Variants in STON1 observed in about 807,000 individuals in gnomAD.
STON1 encodes stonin 1, also known as stonin-1.
In STON1, 79 loss-of-function variants were observed where a neutral mutation model predicts 60.9. That is an observed-to-expected ratio of 1.30 (90% CI 1.08 to 1.56). STON1 has a LOEUF of 1.56. STON1 is among the 40% of genes most tolerant of loss of function. The pLI is 0.00. For synonymous variants in STON1, 363 were observed against 306.9 expected, an observed-to-expected ratio of 1.18 and a Z score of -1.91; for missense variants, 1,166 against 858.9, an observed-to-expected ratio of 1.36 and a Z score of -4.47.
chr2:48,558,923 C>T (rs1336973861), intron 1 of STON1, among the ~76,000 whole-genome samples: 1 of 152,182 alleles, frequency 6.6e-6, no homozygotes, highest in African/African-American at 2.4e-5. Flanking sequence ...GGTTGAGTGT[C>T]CCTAATCCAA....
intron 1 of STON1, among the ~76,000 whole-genome samples, chr2:48,545,021 C>T (rs965330248): frequency 1.3e-5 from 2 of 152,142 alleles, no homozygotes; most frequent in East Asian, 1.9e-4. Context: ...GTGAAACTCC[C>T]GGTGACTCTT....
rs1042960215 is a variant in STON1, at chr2:48,597,270, A to G, written c.*1968A>G. ...TGTATGTCATTAAAAAAATTCTACC[A>G]TCTTTCTTTATCATCTGGTGTGGGC... On this transcript the variant is annotated 3_prime_UTR_variant, in exon 4 of 4. Transcript: ENST00000404752. The G allele has an allele frequency of 3.3e-5, 5 of 152,052 alleles. No homozygotes were observed. Among genetic ancestry groups the G allele is most frequent in the African/African-American group, 1.2e-4 (5 of 41,382 alleles). The allele number at this position is 152,052 out of a possible 1,614,324, so 9.4% of individuals were successfully genotyped here.
chr2:48,558,704 G>T (rs1294158980), intron 1 of STON1, among the ~76,000 whole-genome samples: 1 of 152,170 alleles, frequency 6.6e-6, no homozygotes, highest in Non-Finnish European at 1.5e-5. Flanking sequence ...CAAAGGGCTT[G>T]TTTGCTGCCC....
At chr2:48,572,327 C>G (rs1673254153) in intron 1 of STON1, among the ~76,000 whole-genome samples, 1 of 152,130 alleles carries the variant, frequency 6.6e-6, no homozygotes, top group African/African-American at 2.4e-5. Flanking sequence ...TCCTATTGGG[C>G]ACCATATGAA....
chr2:48,553,680 G>A (rs961162156), intron 1 of STON1, among the ~76,000 whole-genome samples: 1 of 152,206 alleles, frequency 6.6e-6, no homozygotes, highest in African/African-American at 2.4e-5. Flanking sequence ...TAGAGACACA[G>A]TTTTATCATG....
At chr2:48,536,860 A>G (rs1055936224) in intron 1 of STON1, among the ~76,000 whole-genome samples, 1 of 152,152 alleles carries the variant, frequency 6.6e-6, no homozygotes, top group African/African-American at 2.4e-5. Context: ...TGCTGTATTT[A>G]TATCTTATAG....
rs145603974 is a variant in STON1 at position 48,581,958 on chromosome 2, T to G, written c.1325T>G (p.Ile442Ser). ...GTTGAAAGTGCTGTGATAACTCAAA[T>G]TTATTGCCTCTGCTTTGTGAATGGG... ...KFVESAVITQ[I>S]YCLCFVNGNL... The change falls in exon 2 of 4, where the codon ATT becomes AGT. Residue 442 changes from isoleucine to serine, a missense_variant. Ile to Ser is a moderately radical substitution (Grantham distance 142). Coordinates refer to ENST00000404752, the MANE Select transcript of STON1 (RefSeq NM_006873.4). 4.3e-6 allele frequency: 7 copies of G among 1,614,178 alleles called. No homozygotes were observed. In the African/African-American group the frequency reaches 9.3e-5, roughly 22 times the overall value.
chr2:48,581,008 T>C lies in STON1; in HGVS notation c.375T>C (p.Pro125=). 2 of 1,573,096 alleles carry C rather than the reference T, an allele frequency of 1.3e-6. No individual in the cohort carries two copies. The highest frequency in any genetic ancestry group is 1.7e-4 in the Middle Eastern group (1 of 5,854). ...CAGGAGGAGAATCTTCCTTACTGCC[T>C]ACCAGACCAACATGTTTATCCCATG... ...AISGGESSLL[P]TRPTCLSHAL... is the part of the protein sequence containing the mutation. The change falls in exon 2 of 4, where the codon CCT becomes CCC. Residue 125 remains proline (P), a synonymous_variant. Coordinates refer to ENST00000404752, the MANE Select transcript of STON1 (RefSeq NM_006873.4).
intron 1 of STON1, among the ~76,000 whole-genome samples, chr2:48,560,903 A>G (rs1212667478): frequency 2.6e-5 from 4 of 152,132 alleles, no homozygotes; most frequent in African/African-American, 9.7e-5. Context: ...AGCAAGCCCC[A>G]AAGTCTCCCC....
intron 1 of STON1, among the ~76,000 whole-genome samples, chr2:48,557,542 G>T (rs1279558421): frequency 8.8e-6 from 1 of 113,242 alleles, no homozygotes; most frequent in Non-Finnish European, 1.9e-5. Flanking sequence ...TGGCGGCCGG[G>T]CAGAGGCTGC....
chr2:48,558,209 C>T (rs1048392262), intron 1 of STON1, among the ~76,000 whole-genome samples: 11 of 152,140 alleles, frequency 7.2e-5, no homozygotes, highest in East Asian at 1.9e-4. Flanking sequence ...GGGCGAAGAG[C>T]GAAACTCTGT....
At chr2:48,595,177 G>A (rs752748209) in intron 3 of STON1, 51 bp from the exon 4 acceptor site, 152 of 1,397,126 alleles carry the variant, frequency 1.1e-4, no homozygotes, top group Non-Finnish European at 1.5e-4. Context: ...AGAGGTGTGA[G>A]TGCTGTGTTG....
intron 1 of STON1, among the ~76,000 whole-genome samples, chr2:48,545,838 C>T (rs1671843396): frequency 6.6e-6 from 1 of 152,208 alleles, no homozygotes; most frequent in South Asian, 2.1e-4. Flanking sequence ...AGCAGCTGCT[C>T]TGTTTCAGGT....
rs529923925 is a variant in STON1 at position 48,597,915 on chromosome 2, A to G, written c.*2613A>G. On this transcript the variant is annotated 3_prime_UTR_variant, in exon 4 of 4. Transcript: ENST00000404752. ...GCCCTTGCCGGAATAGTGATCTTCAAAAAACCCTTGCTTTTAGGGGAGGGA... is the reference window on the plus strand; with the variant it reads ...GCCCTTGCCGGAATAGTGATCTTCAGAAAACCCTTGCTTTTAGGGGAGGGA... 1 of 152,302 alleles carries G rather than the reference A, an allele frequency of 6.6e-6. No homozygotes were observed. Among genetic ancestry groups the G allele is most frequent in the East Asian group, 1.9e-4 (1 of 5,192 alleles). 9.4% of individuals were successfully genotyped at this position (152,302 alleles called of 1,614,324 possible).
chr2:48,541,733 A>T (rs1473515955), intron 1 of STON1, among the ~76,000 whole-genome samples: 1 of 151,688 alleles, frequency 6.6e-6, no homozygotes, highest in Admixed American at 6.6e-5. Context: ...ACCACACAAA[A>T]AAACAGAATA....
intron 1 of STON1, among the ~76,000 whole-genome samples, chr2:48,575,764 T>TG (rs1454785401): frequency 6.8e-6 from 1 of 146,818 alleles, no homozygotes; most frequent in Non-Finnish European, 1.5e-5. Flanking sequence ...TGTTTGTTTT[T>TG]TTTTTTTTTT....
At chr2:48,552,871 G>A (rs954785632) in intron 1 of STON1, among the ~76,000 whole-genome samples, 3 of 152,200 alleles carry the variant, frequency 2.0e-5, no homozygotes, top group African/African-American at 7.2e-5. Flanking sequence ...TGTAGAGGTT[G>A]AAAATCACAA....
intron 1 of STON1, among the ~76,000 whole-genome samples, chr2:48,553,460 T>G (rs961541831): frequency 6.6e-6 from 1 of 151,692 alleles, no homozygotes; most frequent in African/African-American, 2.4e-5. Context: ...TGTTTTGTTT[T>G]GTTTTTTTCC....
Position 48,569,940 on chromosome 2 carries a change from G to A in STON1, c.-47-10647G>A, listed in dbSNP as rs1451304503. Among the ~76,000 whole-genome samples, 3 of 152,326 alleles carry A rather than the reference G, an allele frequency of 2.0e-5. No homozygotes were observed. In the East Asian group the frequency reaches 5.8e-4, roughly 29 times the overall value. On this transcript the variant is annotated intron_variant, in intron 1 of 3. Coordinates refer to ENST00000404752, the MANE Select transcript of STON1 (RefSeq NM_006873.4). ...ATTCAGATTTTGTGTTTTTGAATTA[G>A]AGATAATCAATTTGTAATAATATTT...
Sources: gnomAD v4.1 joint callset for allele counts (sites outside exome capture counted in the v4.1 genomes callset) on GRCh38, gnomAD v4.1.1 for gene constraint, MANE v1.5 for transcripts, NCBI Gene and HGNC (gene_info 2026-07-23, HGNC 2026-07-21) for gene names.